Variants in TMEFF1 observed in about 807,000 individuals in gnomAD.
TMEFF1 encodes tomoregulin-1.
Under a neutral mutation model 47.5 loss-of-function variants are expected in TMEFF1, and 20 were observed. The ratio of observed to expected loss-of-function variants is 0.42; its 90% confidence interval spans 0.30 to 0.61. The LOEUF (loss-of-function observed/expected upper bound fraction) is 0.61. TMEFF1 is among the 20% of genes least tolerant of loss of function. TMEFF1 has a pLI of 0.19. For synonymous variants in TMEFF1, 162 were observed against 166.3 expected, an observed-to-expected ratio of 0.97 and a Z score of 0.20; for missense variants, 411 against 471.1, an observed-to-expected ratio of 0.87 and a Z score of 1.18.
At position 100,490,836 on chromosome 9, in the gene TMEFF1, G is replaced by GGTGTGTGT. The variant is rs10654628; in HGVS notation, c.197-7900_197-7893dup. 3.6e-3 allele frequency among the ~76,000 whole-genome samples: 491 copies of GGTGTGTGT among 136,142 alleles called. 1 individual carries two copies. Among genetic ancestry groups the GGTGTGTGT allele is most frequent in the Non-Finnish European group, 5.5e-3 (355 of 64,326 alleles). The allele number at this position is 136,142 out of a possible 152,430, so 89.3% of individuals were successfully genotyped here. ...CCTGGCTGGATTATCTTATATGTAT[G>GGTGTGTGT]GTGTGTGTGTGTGTGTGTGTGTGTG... On this transcript the variant is annotated intron_variant, in intron 1 of 9. Coordinates refer to ENST00000374879, the MANE Select transcript of TMEFF1 (RefSeq NM_003692.5).
intron 5 of TMEFF1, among the ~76,000 whole-genome samples, chr9:100,536,844 T>C (rs2183989): frequency 0.22 from 34,076 of 152,108 alleles, 4,185 homozygotes; most frequent in South Asian, 0.33. Flanking sequence ...TAACAACTTT[T>C]CTTAAAAGGT....
intron 1 of TMEFF1, among the ~76,000 whole-genome samples, chr9:100,483,493 A>G (rs1204862332): frequency 8.1e-6 from 1 of 123,902 alleles, no homozygotes; most frequent in East Asian, 2.2e-4. Flanking sequence ...GAGAAACAAC[A>G]TCTCAAAAAA....
At chr9:100,522,000 A>G (rs1838169375) in intron 5 of TMEFF1, among the ~76,000 whole-genome samples, 1 of 152,082 alleles carries the variant, frequency 6.6e-6, no homozygotes, top group Admixed American at 6.6e-5. Flanking sequence ...TTGTGGTACC[A>G]TTTTCTGTTT....
In TMEFF1 at chr9:100,576,770, CTTTGT is replaced by C. The variant is rs2118594376; in HGVS notation, c.*174_*178del. On this transcript the variant is annotated 3_prime_UTR_variant, in exon 10 of 10. Coordinates refer to ENST00000374879, the MANE Select transcript of TMEFF1 (RefSeq NM_003692.5). ...CGACAGTTTTGGACTGTTTAGTAGT[CTTTGT>C]TTTATGTTTTTAAATACAGAAATTG... The C allele has an allele frequency of 5.9e-6, 4 of 674,460 alleles. No homozygotes were observed. Among genetic ancestry groups the C allele is most frequent in the East Asian group, 3.2e-5 (1 of 31,572 alleles). The allele number at this position is 674,460 out of a possible 1,614,324, so 41.8% of individuals were successfully genotyped here.
At chr9:100,548,289 G>A (rs1300707255) in intron 6 of TMEFF1, among the ~76,000 whole-genome samples, 1 of 152,036 alleles carries the variant, frequency 6.6e-6, no homozygotes, top group Non-Finnish European at 1.5e-5. Flanking sequence ...GAGCATAATA[G>A]TTTACTTTGT....
intron 5 of TMEFF1, among the ~76,000 whole-genome samples, chr9:100,531,546 C>G (rs1838377891): frequency 6.6e-6 from 1 of 152,080 alleles, no homozygotes; most frequent in African/African-American, 2.4e-5. Context: ...TGAAGGACCT[C>G]TTCAAGGAGA....
chr9:100,527,868 T>G (rs924283311), intron 5 of TMEFF1, among the ~76,000 whole-genome samples: 4 of 152,144 alleles, frequency 2.6e-5, no homozygotes, highest in Non-Finnish European at 1.5e-5. Context: ...AGAGCAGTGG[T>G]TCTCCCAGCA....
At chr9:100,542,106 C>T (rs1208465056) in intron 5 of TMEFF1, among the ~76,000 whole-genome samples, 8 of 150,490 alleles carry the variant, frequency 5.3e-5, no homozygotes, top group Admixed American at 5.3e-4. Flanking sequence ...TTTTTCCTTT[C>T]TTGCCTTTTT....
At chr9:100,528,428 G>A (rs532719634) in intron 5 of TMEFF1, among the ~76,000 whole-genome samples, 159 of 146,772 alleles carry the variant, frequency 1.1e-3, no homozygotes, top group Non-Finnish European at 2.0e-3. Context: ...CAAGGCTCGA[G>A]AACTACGTGA....
intron 7 of TMEFF1, among the ~76,000 whole-genome samples, chr9:100,552,698 T>G (rs1324757218): frequency 6.6e-6 from 1 of 152,088 alleles, no homozygotes; most frequent in Non-Finnish European, 1.5e-5. Context: ...TGGTGAGACC[T>G]TGTCTCTAAA....
At position 100,515,815 on chromosome 9, in the gene TMEFF1, A is replaced by AAAC. The variant is rs568048044; in HGVS notation, c.464-858_464-857insCAA. 8.9e-4 allele frequency among the ~76,000 whole-genome samples: 126 copies of AAAC among 141,458 alleles called. 1 individual carries two copies. The highest frequency in any genetic ancestry group is 3.3e-3 in the South Asian group (14 of 4,188). 92.8% of individuals were successfully genotyped at this position (141,458 alleles called of 152,430 possible). A position where few individuals can be genotyped will look rare whatever the true frequency, so the allele number is the denominator to read the frequency against. On this transcript the variant is annotated intron_variant, in intron 4 of 9. Coordinates refer to ENST00000374879, the MANE Select transcript of TMEFF1 (RefSeq NM_003692.5). ...TCCGTCTGAAAAACAAACAAACAAA[A>AAAC]AAAAAAGACACTCCCTGAATAGTAC...
intron 8 of TMEFF1, among the ~76,000 whole-genome samples, chr9:100,562,404 G>T (rs1839033895): frequency 6.6e-6 from 1 of 151,516 alleles, no homozygotes; most frequent in African/African-American, 2.4e-5. Context: ...TACTTCTTTA[G>T]CTCCCTGCTC....
At chr9:100,561,614 A>G (rs767157052) in intron 8 of TMEFF1, 94 bp downstream of exon 8, 22 of 1,388,658 alleles carry the variant, frequency 1.6e-5, no homozygotes, top group South Asian at 4.0e-5. Context: ...AAATATTACC[A>G]GAAAGTAGTG....
At chr9:100,561,203 T>G (rs888044568) in intron 7 of TMEFF1, among the ~76,000 whole-genome samples, 194 bp from the exon 8 acceptor site, 1 of 152,224 alleles carries the variant, frequency 6.6e-6, no homozygotes, top group African/African-American at 2.4e-5. Context: ...GTTTACCTGC[T>G]GTGTTTATGG....
rs377060068 is a variant in TMEFF1, at chr9:100,489,905, C to T, written c.197-8860C>T. Among the ~76,000 whole-genome samples, 13 of 152,190 alleles carry T rather than the reference C, an allele frequency of 8.5e-5. No homozygotes were observed. The South Asian group carries it at 2.7e-3, about 32-fold the overall frequency. On this transcript the variant is annotated intron_variant, in intron 1 of 9. Coordinates refer to ENST00000374879, the MANE Select transcript of TMEFF1 (RefSeq NM_003692.5). ...TAGGATTGGCGAGGCCTGGAAAGAC[C>T]CTGGGAGACTTAACCACTCAACTCT... is the stretch of plus-strand genomic sequence containing the variant.
chr9:100,576,729 T>A lies in TMEFF1; in HGVS notation c.*129T>A, dbSNP rs112919698. On this transcript the variant is annotated 3_prime_UTR_variant, in exon 10 of 10. Coordinates refer to ENST00000374879, the MANE Select transcript of TMEFF1 (RefSeq NM_003692.5). Reference sequence around the variant, plus strand: ...TTAGTGTAGTACTGTTGGCTCGTATTTAGAATATTCAGCTACGACAGTTTT... The same window carrying A: ...TTAGTGTAGTACTGTTGGCTCGTATATAGAATATTCAGCTACGACAGTTTT... The A allele has an allele frequency of 9.2e-4, 1,043 of 1,133,110 alleles. 9 individuals carry two copies. The African/African-American group carries it at 0.014, about 16-fold the overall frequency. The allele number at this position is 1,133,110 out of a possible 1,614,324, so 70.2% of individuals were successfully genotyped here.
At chr9:100,536,435 C>G (rs1041909126) in intron 5 of TMEFF1, among the ~76,000 whole-genome samples, 35 of 152,048 alleles carry the variant, frequency 2.3e-4, no homozygotes, top group African/African-American at 7.2e-4. Flanking sequence ...TATGGCCTTT[C>G]CTTGGAAAAT....
intron 7 of TMEFF1, among the ~76,000 whole-genome samples, chr9:100,555,530 C>T (rs1838900776): frequency 6.6e-6 from 1 of 152,112 alleles, no homozygotes; most frequent in African/African-American, 2.4e-5. Flanking sequence ...CAGACTTGGT[C>T]TATATCTAAT....
At chr9:100,491,012 T>TC (rs1318903125) in intron 1 of TMEFF1, among the ~76,000 whole-genome samples, 1 of 152,118 alleles carries the variant, frequency 6.6e-6, no homozygotes, top group Non-Finnish European at 1.5e-5. Context: ...GGCAGGTTTT[T>TC]CATATAAAAT....
Sources: gnomAD v4.1 joint callset for allele counts (sites outside exome capture counted in the v4.1 genomes callset) on GRCh38, gnomAD v4.1.1 for gene constraint, MANE v1.5 for transcripts, NCBI Gene and HGNC (gene_info 2026-07-23, HGNC 2026-07-21) for gene names.